ALG8: variants seen among roughly 807,000 people sequenced by gnomAD.
ALG8 encodes the protein dolichyl pyrophosphate Glc1Man9GlcNAc2 alpha-1,3-glucosyltransferase.
ALG8 carries 48 observed loss-of-function variants against 70.2 expected under a neutral mutation model. The observed-to-expected ratio is 0.68, with a 90% CI of 0.54 to 0.87. The LOEUF is 0.87. Ranked by LOEUF, ALG8 falls within the 40% of genes least tolerant of loss-of-function variation. The pLI, the probability that ALG8 is intolerant of heterozygous loss-of-function variation, is 0.00. For synonymous variants in ALG8, 234 were observed against 229.0 expected (o/e 1.02, Z -0.20); for missense variants, 572 against 608.7 (o/e 0.94, Z 0.64).
At chr11:78,135,043 T>C (rs1377373420) in intron 1 of ALG8, among the ~76,000 whole-genome samples, 1 of 152,222 alleles carries the variant, frequency 6.6e-6, no homozygotes, top group East Asian at 1.9e-4. Context: ...AATGTATTTC[T>C]TAAATAACAA....
intron 3 of ALG8, among the ~76,000 whole-genome samples, chr11:78,123,375 A>C (rs1590829253): frequency 6.6e-6 from 1 of 151,550 alleles, no homozygotes; most frequent in East Asian, 1.9e-4. Flanking sequence ...ACTGACATTA[A>C]CTGAAACTTA....
At chr11:78,127,267 G>A (rs933987787) in intron 2 of ALG8, 91 bp downstream of exon 2, 157 of 1,210,120 alleles carry the variant, frequency 1.3e-4, no homozygotes, top group South Asian at 7.3e-4. Flanking sequence ...GTGAGCCACC[G>A]CACCCAGCCA....
At chr11:78,117,189 A>G (rs958094400) in intron 5 of ALG8, among the ~76,000 whole-genome samples, 2 of 152,140 alleles carry the variant, frequency 1.3e-5, no homozygotes, top group African/African-American at 2.4e-5. Context: ...ATTTCATTTT[A>G]TGGGGAAAAT....
chr11:78,118,807 A>C (rs1860695740), intron 5 of ALG8, among the ~76,000 whole-genome samples: 1 of 151,650 alleles, frequency 6.6e-6, no homozygotes, highest in African/African-American at 2.4e-5. Context: ...GGTGGTGTGC[A>C]CCTGTAATCC....
chr11:78,133,028 G>A (rs1275669111), intron 1 of ALG8, among the ~76,000 whole-genome samples: 14 of 151,760 alleles, frequency 9.2e-5, no homozygotes, highest in Admixed American at 9.2e-4. Flanking sequence ...GTAGAGACGG[G>A]GTTTCATCGT....
intron 8 of ALG8, 107 bp downstream of exon 8, chr11:78,112,543 G>A: frequency 6.5e-7 from 1 of 1,537,886 alleles, no homozygotes; most frequent in South Asian, 1.1e-5. Flanking sequence ...CAGGACTGGA[G>A]AACAAACAAT....
intron 9 of ALG8, among the ~76,000 whole-genome samples, chr11:78,108,055 G>A (rs367960942): frequency 1.3e-5 from 2 of 151,696 alleles, no homozygotes; most frequent in East Asian, 1.9e-4. Flanking sequence ...CGAGGTGGGC[G>A]GATCACGAGG....
chr11:78,116,589 T>C lies in ALG8; in HGVS notation c.547-2197A>G, dbSNP rs1158173790. The stretch of plus-strand genomic sequence containing the variant: ...AAAAAATTAGCCGGGAGTGGTGGTG[T>C]GCACCTGTGGTCCCAGCTAACTGGA... On this transcript the variant is annotated intron_variant, in intron 5 of 12. Coordinates refer to ENST00000299626, the MANE Select transcript of ALG8 (RefSeq NM_024079.5). Among the ~76,000 whole-genome samples the C allele has an allele frequency of 2.6e-5, 4 of 152,072 alleles. No homozygotes were observed. The East Asian group carries it at 7.7e-4, about 29-fold the overall frequency.
chr11:78,105,325 T>C (rs675364), intron 10 of ALG8, among the ~76,000 whole-genome samples: 101,733 of 151,956 alleles, frequency 0.67, 34,978 homozygotes, highest in African/African-American at 0.83. Flanking sequence ...TACCATTTAT[T>C]TATCTATTGG....
chr11:78,136,905 C>CA (rs1861577956), intron 1 of ALG8, among the ~76,000 whole-genome samples: 1 of 145,768 alleles, frequency 6.9e-6, no homozygotes. Context: ...TCTTTTCTTC[C>CA]TTTTTTTTTT....
chr11:78,134,315 T>C (rs1861449502), intron 1 of ALG8, among the ~76,000 whole-genome samples: 2 of 152,144 alleles, frequency 1.3e-5, no homozygotes, highest in African/African-American at 4.8e-5. Context: ...TTTTTGTATA[T>C]TTAGTAGAGA....
intron 3 of ALG8, among the ~76,000 whole-genome samples, chr11:78,121,557 A>AT (rs1487361463): frequency 6.7e-6 from 1 of 148,440 alleles, no homozygotes; most frequent in Non-Finnish European, 1.5e-5. Flanking sequence ...TCTCACTAGA[A>AT]AAAAAAAAAA....
At chr11:78,138,307 C>T (rs1487824850) in intron 1 of ALG8, among the ~76,000 whole-genome samples, 1 of 151,076 alleles carries the variant, frequency 6.6e-6, no homozygotes, top group Non-Finnish European at 1.5e-5. Flanking sequence ...TGAGATCGTG[C>T]CACTGTACTC....
At chr11:78,106,260 C>T (rs623079) in intron 10 of ALG8, among the ~76,000 whole-genome samples, 28,203 of 152,006 alleles carry the variant, frequency 0.19, 2,949 homozygotes, top group Middle Eastern at 0.29. Context: ...TGCAGTGGTG[C>T]GATCTCGGCT....
In ALG8 at chr11:78,112,595, G is replaced by A. The variant is rs760269687; in HGVS notation, c.898+55C>T. On this transcript the variant is annotated intron_variant, in intron 8 of 12. Coordinates refer to ENST00000299626, the MANE Select transcript of ALG8 (RefSeq NM_024079.5). ...CACAAAGGTTTTTCCATTTCTCCATGTGCCTAAGTCCTTTCAATATTCAGA... is the reference window on the plus strand; with the variant it reads ...CACAAAGGTTTTTCCATTTCTCCATATGCCTAAGTCCTTTCAATATTCAGA... 4.4e-6 allele frequency: 7 copies of A among 1,607,086 alleles called. No homozygotes were observed. In the South Asian group the frequency reaches 6.6e-5, roughly 15 times the overall value.
At chr11:78,122,301 G>C (rs1860853616) in intron 3 of ALG8, among the ~76,000 whole-genome samples, 1 of 151,346 alleles carries the variant, frequency 6.6e-6, no homozygotes, top group South Asian at 2.1e-4. Context: ...TTAATAATCT[G>C]TATATCATGC....
chr11:78,130,837 T>C (rs1861280252), intron 1 of ALG8, among the ~76,000 whole-genome samples: 1 of 152,172 alleles, frequency 6.6e-6, no homozygotes, highest in Non-Finnish European at 1.5e-5. Flanking sequence ...TTTTTTTAGA[T>C]GGATGCTAGA....
In ALG8 at chr11:78,105,659, AAAAG is replaced by A. The variant is rs1394396430; in HGVS notation, c.1178+1144_1178+1147del. 7.3e-5 allele frequency among the ~76,000 whole-genome samples: 11 copies of A among 151,284 alleles called. No individual in the cohort carries two copies. In the East Asian group the frequency reaches 9.7e-4, roughly 13 times the overall value. ...TCTCTACCAAAAAGTAAAAAAAAAA[AAAAG>A]AAAGGAAAAAAAAGGGAATAATACC... On this transcript the variant is annotated intron_variant, in intron 10 of 12. Coordinates refer to ENST00000299626, the MANE Select transcript of ALG8 (RefSeq NM_024079.5).
chr11:78,136,380 G>GA (rs565130100), intron 1 of ALG8, among the ~76,000 whole-genome samples: 1 of 151,394 alleles, frequency 6.6e-6, no homozygotes, highest in Non-Finnish European at 1.5e-5. Context: ...AGAGAGAAAG[G>GA]AAAAAAAATT....
Sources: gnomAD v4.1 joint callset for allele counts (sites outside exome capture counted in the v4.1 genomes callset) on GRCh38, gnomAD v4.1.1 for gene constraint, MANE v1.5 for transcripts, NCBI Gene and HGNC (gene_info 2026-07-23, HGNC 2026-07-21) for gene names.